Variants in BRWD1 observed in about 807,000 individuals in gnomAD.
BRWD1 encodes the protein bromodomain and WD repeat-containing protein 1.
BRWD1 carries 82 observed loss-of-function variants against 251.2 expected under a neutral mutation model. The observed-to-expected ratio is 0.33, with a 90% CI of 0.27 to 0.39. The LOEUF is 0.39. Ranked by LOEUF, BRWD1 falls within the 10% of genes least tolerant of loss-of-function variation. The probability of loss-of-function intolerance (pLI) is 1.00; values close to 1 mark genes in which losing one functional copy is unlikely to be tolerated. For missense variants in BRWD1, 2,233 were observed against 2,711.6 expected (o/e 0.82, Z 3.92); for synonymous variants, 918 against 902.8 (o/e 1.02, Z -0.30).
rs2031780387 is a variant in BRWD1, at chr21:39,195,765, C to T, written c.*494G>A. On this transcript the variant is annotated 3_prime_UTR_variant, in exon 41 of 41. Coordinates refer to ENST00000342449, the MANE Select transcript of BRWD1 (RefSeq NM_033656.4). ...AAGAAAAAAAAAAAAGTGGTAGGTA[C>T]CTCGCCTACTAATCATGGTTACACC... 1.0e-6 allele frequency: 1 copy of T among 985,238 alleles called. No individual in the cohort carries two copies. The highest frequency in any genetic ancestry group is 4.7e-5 in the South Asian group (1 of 21,274). 61.0% of individuals were successfully genotyped at this position (985,238 alleles called of 1,614,324 possible).
intron 13 of BRWD1, among the ~76,000 whole-genome samples, chr21:39,273,969 A>G (rs2035200160): frequency 6.6e-6 from 1 of 152,166 alleles, no homozygotes; most frequent in Admixed American, 6.5e-5. Flanking sequence ...ATGTTTGCTT[A>G]CCCTATTTCC....
chr21:39,187,297 G>A lies in BRWD1; in HGVS notation c.*8962C>T, dbSNP rs1233611990. Reference sequence around the variant, plus strand: ...TGCAGCAACAGTAGCACATCTGCGGGGAACTTTCTCAGGTACCATTTTTGC... The same window carrying A: ...TGCAGCAACAGTAGCACATCTGCGGAGAACTTTCTCAGGTACCATTTTTGC... On this transcript the variant is annotated 3_prime_UTR_variant, in exon 41 of 41. Coordinates refer to ENST00000342449, the MANE Select transcript of BRWD1 (RefSeq NM_033656.4). 2 of 1,613,876 alleles carry A rather than the reference G, an allele frequency of 1.2e-6. No individual in the cohort carries two copies. The highest frequency in any genetic ancestry group is 1.7e-6 in the Non-Finnish European group (2 of 1,179,908).
At position 39,200,322 on chromosome 21, in the gene BRWD1, T is replaced by C; in HGVS notation, c.4650A>G (p.Glu1550=). The part of the protein sequence containing the change: ...LSSSASSSSE[E]SKESSRARES... ...CACGAGCTCTGGAACTCTCTTTGCT[T>C]TCCTCAGAACTACTGGAAGCTGACG... Residue 1550 remains glutamate, a synonymous_variant, in exon 39 of 41, where the codon GAA becomes GAG. Coordinates refer to ENST00000342449, the MANE Select transcript of BRWD1 (RefSeq NM_033656.4). 2 of 1,614,132 alleles carry C rather than the reference T, an allele frequency of 1.2e-6. No individual in the cohort carries two copies. Among genetic ancestry groups the C allele is most frequent in the Non-Finnish European group, 8.5e-7 (1 of 1,180,004 alleles).
rs114745435 is a variant in BRWD1, at chr21:39,280,644, A to C, written c.832-396T>G. On this transcript the variant is annotated intron_variant, in intron 8 of 40. Transcript: ENST00000342449. ...CTGGGAAAGCTGACTGAAAAACTGG[A>C]AGGAAAAATGGGAGAAAACATGAAT... Among the ~76,000 whole-genome samples the C allele has an allele frequency of 4.6e-3, 706 of 152,306 alleles. 10 individuals carry two copies. The highest frequency in any genetic ancestry group is 0.017 in the African/African-American group (687 of 41,566).
chr21:39,269,759 A>G, intron 15 of BRWD1, 140 bp downstream of exon 15: 1 of 592,800 alleles, frequency 1.7e-6, no homozygotes, highest in Non-Finnish European at 2.6e-6. Flanking sequence ...TAGCTGTCTA[A>G]TATTTAGCAG....
At chr21:39,276,389 C>T (rs1423439884) in intron 11 of BRWD1, among the ~76,000 whole-genome samples, 176 bp from the exon 12 acceptor site, 4 of 152,104 alleles carry the variant, frequency 2.6e-5, no homozygotes, top group African/African-American at 7.2e-5. Flanking sequence ...TAACTACAAA[C>T]CTAAGACTAC....
chr21:39,313,663 T>TCCC (rs745950446), upstream of BRWD1: 2,946 of 437,740 alleles, frequency 6.7e-3, 69 homozygotes, highest in African/African-American at 0.012. Flanking sequence ...GAGGAAGTAG[T>TCCC]TCCTCCGCGG....
At chr21:39,233,546 C>CA (rs982280454) in intron 23 of BRWD1, among the ~76,000 whole-genome samples, 29 of 150,384 alleles carry the variant, frequency 1.9e-4, no homozygotes, top group East Asian at 5.8e-4. Flanking sequence ...CACACACACA[C>CA]AAAAAAAAAG....
chr21:39,278,023 T>C (rs973513744), intron 10 of BRWD1, among the ~76,000 whole-genome samples: 67 of 148,444 alleles, frequency 4.5e-4, no homozygotes, highest in African/African-American at 1.6e-3. Context: ...TTTTGTTTTG[T>C]TTTTTTTTAG....
Position 39,291,290 on chromosome 21 carries a change from T to C in BRWD1, c.831+2521A>G, listed in dbSNP as rs140832438. ...GCCTAGGTGAATGTGCATAAAAAAA[T>C]TGAACCACCACCAGTTTTCACCAAA... is the stretch of plus-strand genomic sequence containing the variant. On this transcript the variant is annotated intron_variant, in intron 8 of 40. Transcript: ENST00000342449. 1.1e-4 allele frequency among the ~76,000 whole-genome samples: 16 copies of C among 152,304 alleles called. 1 individual carries two copies. Among genetic ancestry groups the C allele is most frequent in the African/African-American group, 2.2e-4 (9 of 41,570 alleles).
At chr21:39,249,918 G>A (rs1568915347) in intron 20 of BRWD1, among the ~76,000 whole-genome samples, 1 of 7,752 alleles carries the variant, frequency 1.3e-4, no homozygotes. Context: ...GAAGGGGGGT[G>A]TGTGTGTGTG....
At chr21:39,250,981 A>C in intron 19 of BRWD1, 92 bp from the exon 20 acceptor site, 1 of 756,250 alleles carries the variant, frequency 1.3e-6, no homozygotes, top group East Asian at 3.0e-5. Context: ...TCTATAAATC[A>C]TAAGTTTATG....
At position 39,194,851 on chromosome 21, in the gene BRWD1, A is replaced by G; in HGVS notation, c.*1408T>C. 2 of 1,533,502 alleles carry G rather than the reference A, an allele frequency of 1.3e-6. No homozygotes were observed. Among genetic ancestry groups the G allele is most frequent in the Non-Finnish European group, 8.7e-7 (1 of 1,144,914 alleles). 95.0% of individuals were successfully genotyped at this position (1,533,502 alleles called of 1,614,324 possible). A position where few individuals can be genotyped will look rare whatever the true frequency, so the allele number is the denominator to read the frequency against. On this transcript the variant is annotated 3_prime_UTR_variant, in exon 41 of 41. Coordinates refer to ENST00000342449, the MANE Select transcript of BRWD1 (RefSeq NM_033656.4). ...TGCCACTTCAAAGATACACAGGAGA[A>G]AAGGGTTAATTTTGTCTGAAATCAA...
intron 31 of BRWD1, among the ~76,000 whole-genome samples, chr21:39,215,954 C>G (rs1217725502): frequency 1.3e-5 from 2 of 151,946 alleles, no homozygotes; most frequent in African/African-American, 2.4e-5. Context: ...GAGCTATCAT[C>G]ATGCCACTGC....
rs1365433240 is a variant in BRWD1, at chr21:39,200,163, A to G, written c.4753+56T>C. Reference sequence around the variant, plus strand: ...ATTAAATCGAGAATCTATTCAATTTATAACTTTTGGATTCTTTTGATATAC... The same window carrying G: ...ATTAAATCGAGAATCTATTCAATTTGTAACTTTTGGATTCTTTTGATATAC... On this transcript the variant is annotated intron_variant, in intron 39 of 40. Coordinates refer to ENST00000342449, the MANE Select transcript of BRWD1 (RefSeq NM_033656.4). 7 of 1,475,126 alleles carry G rather than the reference A, an allele frequency of 4.7e-6. No homozygotes were observed. The African/African-American group carries it at 5.7e-5, about 12-fold the overall frequency. 91.4% of individuals were successfully genotyped at this position (1,475,126 alleles called of 1,614,324 possible).
intron 21 of BRWD1, among the ~76,000 whole-genome samples, chr21:39,242,947 C>A (rs769479914): frequency 2.0e-5 from 3 of 152,148 alleles, no homozygotes; most frequent in Non-Finnish European, 4.4e-5. Context: ...GGACAATAGA[C>A]CTAGCCATCC....
intron 4 of BRWD1, among the ~76,000 whole-genome samples, chr21:39,301,842 A>C (rs2036121711): frequency 6.6e-6 from 1 of 151,850 alleles, no homozygotes; most frequent in African/African-American, 2.4e-5. Context: ...TAAGACTGCT[A>C]AATTTCCAAC....
At chr21:39,299,731 T>C (rs1437050229) in intron 4 of BRWD1, among the ~76,000 whole-genome samples, 1 of 151,470 alleles carries the variant, frequency 6.6e-6, no homozygotes, top group African/African-American at 2.4e-5. Flanking sequence ...TCCCAACACT[T>C]TGGGAGGCCG....
chr21:39,251,439 C>CTT (rs901093606), intron 19 of BRWD1, among the ~76,000 whole-genome samples: 21 of 151,898 alleles, frequency 1.4e-4, no homozygotes, highest in African/African-American at 5.1e-4. Flanking sequence ...CTGACTGTCC[C>CTT]TTTTCTCCAA....
Sources: gnomAD v4.1 joint callset for allele counts (sites outside exome capture counted in the v4.1 genomes callset) on GRCh38, gnomAD v4.1.1 for gene constraint, MANE v1.5 for transcripts, NCBI Gene and HGNC (gene_info 2026-07-23, HGNC 2026-07-21) for gene names.